Variants in MSH5 observed in about 807,000 individuals in gnomAD.
The protein encoded by MSH5 is mutS protein homolog 5.
Under a neutral mutation model 107.7 loss-of-function variants are expected in MSH5, and 78 were observed. The ratio of observed to expected loss-of-function variants is 0.72; its 90% confidence interval spans 0.60 to 0.87. MSH5 has a LOEUF of 0.87. Ranked by LOEUF, MSH5 falls within the 40% of genes least tolerant of loss-of-function variation. The pLI is 0.00. For missense variants in MSH5, 889 were observed against 1,046.6 expected (o/e 0.85, Z 2.08); for synonymous variants, 326 against 399.5 (o/e 0.82, Z 2.19).
Position 31,760,755 on chromosome 6 carries a change from G to A in MSH5, c.1878G>A (p.Gly626=). ...TGCCAGCAGAGGAGGCCGAAATTGG[G>A]GCAGTAGACGCCATCTTCACACGAA... ...SFVPAEEAEI[G]AVDAIFTRIH... is the part of the protein sequence containing the mutation. The change falls in exon 20 of 25, where the codon GGG becomes GGA. Residue 626 remains glycine, a synonymous_variant. Coordinates refer to ENST00000375750, the MANE Select transcript of MSH5 (RefSeq NM_172166.4). This position sits in a 1 kb window ranked among gnomAD's most constrained non-coding sequence, Gnocchi z 5.6. 6.2e-7 allele frequency: 1 copy of A among 1,613,000 alleles called. No individual in the cohort carries two copies. The highest frequency in any genetic ancestry group is 1.3e-5 in the African/African-American group (1 of 75,014).
chr6:31,752,416 T>TA (rs925066964), intron 10 of MSH5, among the ~76,000 whole-genome samples: 2 of 128,966 alleles, frequency 1.6e-5, no homozygotes, highest in Non-Finnish European at 3.3e-5. Context: ...AAAAATAAAA[T>TA]AAAAAAAAAG....
chr6:31,747,926 C>A (rs1176837035), intron 10 of MSH5, among the ~76,000 whole-genome samples: 1 of 151,742 alleles, frequency 6.6e-6, no homozygotes, highest in African/African-American at 2.4e-5. Flanking sequence ...ATCGCTTGAA[C>A]CCAGGAGGTG....
chr6:31,760,770 C>A lies in MSH5; in HGVS notation c.1893C>A (p.Ile631=). The A allele has an allele frequency of 1.2e-6, 2 of 1,613,044 alleles. No homozygotes were observed. Among genetic ancestry groups the A allele is most frequent in the Non-Finnish European group, 1.7e-6 (2 of 1,180,036 alleles). Residue 631 remains isoleucine, a synonymous_variant, in exon 20 of 25, where the codon ATC becomes ATA. Transcript: ENST00000375750. The surrounding 1 kb of genome is among the most constrained non-coding windows in gnomAD (Gnocchi z 5.6). ...EEAEIGAVDA[I]FTRIHSCESI... Reference sequence around the variant, plus strand: ...CCGAAATTGGGGCAGTAGACGCCATCTTCACACGAATTCATAGCTGCGAAT... The same window carrying A: ...CCGAAATTGGGGCAGTAGACGCCATATTCACACGAATTCATAGCTGCGAAT...
At position 31,760,279 on chromosome 6, in the gene MSH5, C is replaced by A; in HGVS notation, c.1812+63C>A. 2 of 1,516,970 alleles carry A rather than the reference C, an allele frequency of 1.3e-6. No homozygotes were observed. Among genetic ancestry groups the A allele is most frequent in the South Asian group, 2.6e-5 (2 of 75,568 alleles). The allele number at this position is 1,516,970 out of a possible 1,614,324, so 94.0% of individuals were successfully genotyped here. ...CCTGCATCTACTCCACCCCTACTTG[C>A]CAGCCAACTCAGGCTCCTGCAGCTC... On this transcript the variant is annotated intron_variant, in intron 19 of 24. Transcript: ENST00000375750. The surrounding 1 kb of genome is among the most constrained non-coding windows in gnomAD (Gnocchi z 5.6).
Position 31,760,056 on chromosome 6 carries a change from C to T in MSH5, c.1686-34C>T, listed in dbSNP as rs369376111. ...CTGGGGGTTCATCTATCTTGATCCA[C>T]AAGCCATGCGAGGTGCCTCTCCGCC... On this transcript the variant is annotated intron_variant, in intron 18 of 24. Transcript: ENST00000375750. This position sits in a 1 kb window ranked among gnomAD's most constrained non-coding sequence, Gnocchi z 5.6. 83 of 1,604,260 alleles carry T rather than the reference C, an allele frequency of 5.2e-5. No homozygotes were observed. The highest frequency in any genetic ancestry group is 6.5e-5 in the Non-Finnish European group (76 of 1,173,944).
chr6:31,753,364 G>T lies in MSH5; in HGVS notation c.876G>T (p.Gln292His), dbSNP rs146418933. The T allele has an allele frequency of 2.0e-4, 326 of 1,614,068 alleles. No homozygotes were observed. The highest frequency in any genetic ancestry group is 2.5e-4 in the Non-Finnish European group (299 of 1,180,044). ...TCAGTTCTCGTCTGGACGTCATTCA[G>T]TTTTTTCTGCTGCCCCAGAATCTGG... ...GELSSRLDVI[Q>H]FFLLPQNLDM... The change falls in exon 11 of 25, where the codon CAG becomes CAT. Residue 292 changes from glutamine to histidine, a missense_variant. By Grantham distance (24) the Gln-to-His change is conservative. Around this residue, in one of 3 missense-constraint regions of MSH5, gnomAD observed 518 missense variants for 565.0 expected, o/e 0.92. Transcript: ENST00000375750.
At chr6:31,742,311 G>A (rs1338534188) in intron 3 of MSH5, among the ~76,000 whole-genome samples, 1 of 152,204 alleles carries the variant, frequency 6.6e-6, no homozygotes, top group Non-Finnish European at 1.5e-5. Context: ...GGCTGGAAGT[G>A]TAGTGGTGCC....
intron 2 of MSH5, 149 bp from the exon 3 acceptor site, chr6:31,741,014 C>A (rs1808816431): frequency 3.1e-6 from 3 of 976,308 alleles, no homozygotes; most frequent in African/African-American, 1.6e-5. Context: ...AAGTCTCTTA[C>A]CTCCTGAGTG....
chr6:31,743,795 G>T, intron 5 of MSH5, 109 bp from the exon 6 acceptor site: 1 of 1,485,302 alleles, frequency 6.7e-7, no homozygotes. Context: ...CTGCCTGTGT[G>T]AGCTTGGGCA....
chr6:31,759,642 C>A lies in MSH5; in HGVS notation c.1495+130C>A. The A allele has an allele frequency of 7.5e-7, 1 of 1,333,360 alleles. No individual in the cohort carries two copies. The highest frequency in any genetic ancestry group is 1.0e-6 in the Non-Finnish European group (1 of 954,472). 82.6% of individuals were successfully genotyped at this position (1,333,360 alleles called of 1,614,324 possible). A position where few individuals can be genotyped will look rare whatever the true frequency, so the allele number is the denominator to read the frequency against. On this transcript the variant is annotated intron_variant, in intron 17 of 24. Transcript: ENST00000375750. The surrounding 1 kb of genome is among the most constrained non-coding windows in gnomAD (Gnocchi z 4.7). ...TCCTCTTCCTGCTCTCTGTCTCGCT[C>A]ACTCTGACTCTATCTTTTCCTCTGA...
Position 31,741,367 on chromosome 6 carries a change from ACAC to A in MSH5, c.271+82_271+84del, listed in dbSNP as rs1808874491. On this transcript the variant is annotated intron_variant, in intron 3 of 24. Transcript: ENST00000375750. ...CACACACACACACACACACACACACACACACACACACACACATATTTTTTTTTT... is the reference window on the plus strand; with the variant it reads ...CACACACACACACACACACACACACAACACACACACACATATTTTTTTTTT... 280 of 1,369,296 alleles carry A rather than the reference ACAC, an allele frequency of 2.0e-4. No homozygotes were observed. The East Asian group carries it at 6.5e-3, about 32-fold the overall frequency. The allele number at this position is 1,369,296 out of a possible 1,614,324, so 84.8% of individuals were successfully genotyped here.
intron 12 of MSH5, chr6:31,754,044 A>C (rs995358833): frequency 6.0e-5 from 10 of 167,764 alleles, no homozygotes; most frequent in Admixed American, 4.4e-4. Flanking sequence ...TTTTTTTTTA[A>C]CTTTGTATTC....
Position 31,740,328 on chromosome 6 carries a change from C to T in MSH5, c.-13-126C>T, listed in dbSNP as rs929820955. On this transcript the variant is annotated intron_variant, in intron 1 of 24. Transcript: ENST00000375750. This position sits in a 1 kb window ranked among gnomAD's most constrained non-coding sequence, Gnocchi z 4.4. ...CCTCCTGTGTCCACAGCTCTCCACG[C>T]CCCTCAGCCCTGCCCCGCAGCCCTG... is the stretch of plus-strand genomic sequence containing the variant. 4 of 952,992 alleles carry T rather than the reference C, an allele frequency of 4.2e-6. No individual in the cohort carries two copies. Among genetic ancestry groups the T allele is most frequent in the African/African-American group, 1.7e-5 (1 of 57,844 alleles). 59.0% of individuals were successfully genotyped at this position (952,992 alleles called of 1,614,324 possible). A position where few individuals can be genotyped will look rare whatever the true frequency, so the allele number is the denominator to read the frequency against.
At chr6:31,742,599 G>C (rs1486514971) in intron 3 of MSH5, among the ~76,000 whole-genome samples, 1 of 152,170 alleles carries the variant, frequency 6.6e-6, no homozygotes, top group Non-Finnish European at 1.5e-5. Flanking sequence ...AGGTGCTTCA[G>C]ATTCAGCCCT....
Position 31,760,653 on chromosome 6 carries a change from G to A in MSH5, c.1813-37G>A, listed in dbSNP as rs1303004696. 6.2e-7 allele frequency: 1 copy of A among 1,612,114 alleles called. No individual in the cohort carries two copies. Among genetic ancestry groups the A allele is most frequent in the African/African-American group, 1.3e-5 (1 of 74,918 alleles). ...AGCCTCACTTTCACCTCAGCCCACG[G>A]CACCAGGCCCCAGGCCCTGTCTCCT... On this transcript the variant is annotated intron_variant, in intron 19 of 24. Coordinates refer to ENST00000375750, the MANE Select transcript of MSH5 (RefSeq NM_172166.4). The surrounding 1 kb of genome is among the most constrained non-coding windows in gnomAD (Gnocchi z 5.6).
chr6:31,759,814 A>G lies in MSH5; in HGVS notation c.1524A>G (p.Leu508=). 1.9e-6 allele frequency: 3 copies of G among 1,613,712 alleles called. No individual in the cohort carries two copies. Among genetic ancestry groups the G allele is most frequent in the Non-Finnish European group, 2.5e-6 (3 of 1,180,028 alleles). ...RDQETLLMYQ[L]QCQVLARAAV... ...AGGAGACGCTGCTGATGTACCAGCT[A>G]CAGTGCCAGGTGCTGGCACGAGCAG... The change falls in exon 18 of 25, where the codon CTA becomes CTG. Residue 508 remains leucine, a synonymous_variant. Coordinates refer to ENST00000375750, the MANE Select transcript of MSH5 (RefSeq NM_172166.4). This position sits in a 1 kb window ranked among gnomAD's most constrained non-coding sequence, Gnocchi z 4.7.
chr6:31,741,110 C>T, intron 2 of MSH5, 53 bp from the exon 3 acceptor site: 2 of 1,600,810 alleles, frequency 1.2e-6, no homozygotes, highest in Non-Finnish European at 1.7e-6. Context: ...CATGGTAAAC[C>T]CTACACTTAT....
At position 31,740,273 on chromosome 6, in the gene MSH5, C is replaced by T; in HGVS notation, c.-13-181C>T. 1 of 576,882 alleles carries T rather than the reference C, an allele frequency of 1.7e-6. No individual in the cohort carries two copies. The highest frequency in any genetic ancestry group is 3.0e-6 in the Non-Finnish European group (1 of 336,056). 35.7% of individuals were successfully genotyped at this position (576,882 alleles called of 1,614,324 possible). On this transcript the variant is annotated intron_variant, in intron 1 of 24. Coordinates refer to ENST00000375750, the MANE Select transcript of MSH5 (RefSeq NM_172166.4). The surrounding 1 kb of genome is among the most constrained non-coding windows in gnomAD (Gnocchi z 4.4). ...TGGGGCGCGTGGAGTTTCCCACAAT[C>T]TGTACTTTAGTTAAATACCCGAGAA...
rs764990462 is a variant in MSH5, at chr6:31,744,177, G to A, written c.538-13G>A. ...TAAGATTTACCCCGATTCCACTGCT[G>A]ATCCCCTCCCAGGTTCGAGCACTTG... On this transcript the variant is annotated splice_polypyrimidine_tract_variant and intron_variant, in intron 6 of 24. Transcript: ENST00000375750. The A allele has an allele frequency of 3.7e-5, 60 of 1,607,586 alleles. No homozygotes were observed. Among genetic ancestry groups the A allele is most frequent in the Admixed American group, 1.2e-4 (7 of 58,868 alleles).
Sources: allele counts gnomAD v4.1 joint callset (sites outside exome capture counted in the v4.1 genomes callset), GRCh38; gene constraint gnomAD v4.1.1; regional missense constraint gnomAD v4.1.1; non-coding constraint Gnocchi (gnomAD v3.1); transcripts MANE v1.5; gene names NCBI Gene and HGNC (gene_info 2026-07-23, HGNC 2026-07-21).